Variants in NOL4L observed in about 807,000 individuals in gnomAD.
The protein encoded by NOL4L is nucleolar protein 4-like.
Under a neutral mutation model 64.5 loss-of-function variants are expected in NOL4L, and 7 were observed. The observed-to-expected ratio is 0.11, with a 90% CI of 0.06 to 0.20. The LOEUF (loss-of-function observed/expected upper bound fraction) is 0.20. Ranked by LOEUF, NOL4L falls within the 10% of genes least tolerant of loss-of-function variation. The pLI is 1.00. For missense variants in NOL4L, 680 were observed against 967.1 expected (o/e 0.70, Z 3.94); for synonymous variants, 413 against 401.0 (o/e 1.03, Z -0.36).
At chr20:32,552,021 C>CTCAAGTGA (rs1978334277) in intron 1 of NOL4L, among the ~76,000 whole-genome samples, 2 of 152,242 alleles carry the variant, frequency 1.3e-5, no homozygotes, top group South Asian at 2.1e-4. Flanking sequence ...AACTCCTGGG[C>CTCAAGTGA]TCAAGTGATC....
intron 5 of NOL4L, among the ~76,000 whole-genome samples, chr20:32,472,906 G>T (rs2015122292): frequency 6.6e-6 from 1 of 152,022 alleles, no homozygotes; most frequent in Non-Finnish European, 1.5e-5. Flanking sequence ...GGGCTCTTGG[G>T]GACCTACAGA....
chr20:32,576,875 T>C (rs2145624744), intron 1 of NOL4L, among the ~76,000 whole-genome samples: 1 of 152,234 alleles, frequency 6.6e-6, no homozygotes, highest in African/African-American at 2.4e-5. Context: ...AAAGCTTACG[T>C]GGGGTGCCCT....
At chr20:32,553,687 A>G (rs149785382) in intron 1 of NOL4L, among the ~76,000 whole-genome samples, 72 of 152,386 alleles carry the variant, frequency 4.7e-4, no homozygotes, top group Non-Finnish European at 9.3e-4. Context: ...GAACAGATCA[A>G]TGCACGTTGT....
intron 2 of NOL4L, among the ~76,000 whole-genome samples, chr20:32,524,300 G>A (rs2018049476): frequency 6.6e-6 from 1 of 151,976 alleles, no homozygotes; most frequent in African/African-American, 2.4e-5. Flanking sequence ...AGCTAAGTGA[G>A]ACAGGGACTT....
chr20:32,481,624 C>CTTAAAA (rs2015719699), intron 4 of NOL4L, among the ~76,000 whole-genome samples: 1 of 152,188 alleles, frequency 6.6e-6, no homozygotes, highest in Non-Finnish European at 1.5e-5. Flanking sequence ...GGTGGTGTCG[C>CTTAAAA]CCAGCTCAAG....
intron 5 of NOL4L, among the ~76,000 whole-genome samples, chr20:32,459,575 C>T (rs540893270): frequency 3.3e-5 from 5 of 151,958 alleles, no homozygotes; most frequent in East Asian, 1.9e-4. Context: ...AGTGGAGACA[C>T]GGTTTCACTA....
At position 32,464,650 on chromosome 20, in the gene NOL4L, T is replaced by G. The variant is rs533490308; in HGVS notation, c.842-8255A>C. 5.3e-6 allele frequency: 1 copy of G among 187,158 alleles called. No individual in the cohort carries two copies. Among genetic ancestry groups the G allele is most frequent in the Non-Finnish European group, 1.1e-5 (1 of 91,242 alleles). 11.6% of individuals were successfully genotyped at this position (187,158 alleles called of 1,614,324 possible). Reference sequence around the variant, plus strand: ...GCTGAAACTCTGGTCACTCTTTGCTTAGGCAGGTGCCAATTTAGGCCCTCA... The same window carrying G: ...GCTGAAACTCTGGTCACTCTTTGCTGAGGCAGGTGCCAATTTAGGCCCTCA... On this transcript the variant is annotated intron_variant, in intron 5 of 10. Transcript: ENST00000621426. The surrounding 1 kb of genome is among the most constrained non-coding windows in gnomAD (Gnocchi z 5.6).
intron 4 of NOL4L, 83 bp from the exon 5 acceptor site, chr20:32,474,825 C>T (rs959350884): frequency 3.9e-5 from 58 of 1,478,008 alleles, no homozygotes; most frequent in Middle Eastern, 3.7e-4. Flanking sequence ...GACCCCAGGG[C>T]CAGTGGGCGT....
At position 32,470,329 on chromosome 20, in the gene NOL4L, G is replaced by A. The variant is rs558148821; in HGVS notation, c.841+4272C>T. On this transcript the variant is annotated intron_variant, in intron 5 of 10. Coordinates refer to ENST00000621426, the MANE Select transcript of NOL4L (RefSeq NM_001256798.2). ...CGGGTCAGGAACCTGGGCCAGCCCC[G>A]GCCTGCAGGAGGCGCACTGGCTCAC... Among the ~76,000 whole-genome samples, 8 of 152,348 alleles carry A rather than the reference G, an allele frequency of 5.3e-5. No homozygotes were observed. The East Asian group carries it at 1.2e-3, about 22-fold the overall frequency.
At chr20:32,538,811 CG>C (rs2018603186) in intron 1 of NOL4L, among the ~76,000 whole-genome samples, 1 of 152,190 alleles carries the variant, frequency 6.6e-6, no homozygotes, top group Non-Finnish European at 1.5e-5. Context: ...CCCGTCTAGC[CG>C]GCTGGCATTT....
Position 32,453,431 on chromosome 20 carries a change from T to C in NOL4L, c.1370A>G (p.Lys457Arg), listed in dbSNP as rs1213275058. Residue 457 changes from lysine (K) to arginine (R), a missense_variant, in exon 8 of 11, where the codon AAG becomes AGG. Physicochemically the swap from Lys to Arg is conservative, Grantham distance 26. This residue lies in a region of NOL4L where 70 missense variants were observed against 166.1 expected (regional missense o/e 0.42). Transcript: ENST00000621426. This position sits in a 1 kb window ranked among gnomAD's most constrained non-coding sequence, Gnocchi z 5.6. ...DRMVPISKQPKEKIQAIIESC... is the reference protein window; with the variant it reads ...DRMVPISKQPREKIQAIIESC... ...CTCGATGATGGCCTGGATCTTCTCC[T>C]TGGGCTGCTTGGAGATGGGCACCAT... 2 of 1,613,974 alleles carry C rather than the reference T, an allele frequency of 1.2e-6. No homozygotes were observed. Among genetic ancestry groups the C allele is most frequent in the African/African-American group, 1.3e-5 (1 of 74,876 alleles).
Position 32,524,836 on chromosome 20 carries a change from T to C in NOL4L, c.477+2922A>G, listed in dbSNP as rs554662561. On this transcript the variant is annotated intron_variant, in intron 2 of 10. Transcript: ENST00000621426. Reference sequence around the variant, plus strand: ...ACAAAGGCATCCAGGCACCACCCCCTGCCCCCAAAAAAGGAAAAGGGTGGC... The same window carrying C: ...ACAAAGGCATCCAGGCACCACCCCCCGCCCCCAAAAAAGGAAAAGGGTGGC... Among the ~76,000 whole-genome samples the C allele has an allele frequency of 2.0e-5, 3 of 152,064 alleles. No individual in the cohort carries two copies. The East Asian group carries it at 5.8e-4, about 29-fold the overall frequency.
At chr20:32,528,462 C>G (rs958925673) in intron 1 of NOL4L, among the ~76,000 whole-genome samples, 1 of 152,144 alleles carries the variant, frequency 6.6e-6, no homozygotes, top group Non-Finnish European at 1.5e-5. Context: ...GCAACGGCAC[C>G]CGGGCCCTTT....
intron 1 of NOL4L, among the ~76,000 whole-genome samples, chr20:32,571,525 G>T (rs916404523): frequency 2.0e-5 from 3 of 152,160 alleles, no homozygotes; most frequent in Non-Finnish European, 4.4e-5. Context: ...GTTTTGGTTT[G>T]GGTTTTAAAT....
intron 4 of NOL4L, among the ~76,000 whole-genome samples, chr20:32,509,471 T>C (rs556825916): frequency 1.9e-4 from 27 of 142,412 alleles, no homozygotes; most frequent in African/African-American, 6.5e-4. Flanking sequence ...TGAGCCGAGA[T>C]TGGGCCACTG....
intron 1 of NOL4L, among the ~76,000 whole-genome samples, chr20:32,536,558 A>G (rs1600852427): frequency 7.1e-6 from 1 of 141,434 alleles, no homozygotes. Context: ...GAGGGGCGGG[A>G]AGGCGCGCGC....
intron 3 of NOL4L, among the ~76,000 whole-genome samples, chr20:32,513,069 C>T (rs1324338959): frequency 6.6e-6 from 1 of 152,188 alleles, no homozygotes; most frequent in African/African-American, 2.4e-5. Context: ...AGGCCAGATT[C>T]ATTTTGCCCC....
chr20:32,575,763 G>T (rs6141755), intron 1 of NOL4L, among the ~76,000 whole-genome samples: 39,538 of 151,840 alleles, frequency 0.26, 6,511 homozygotes, highest in East Asian at 0.75. Flanking sequence ...TGTCAGGCAG[G>T]GATAAGGGCC....
chr20:32,554,401 C>G (rs1978520130), intron 1 of NOL4L, among the ~76,000 whole-genome samples: 1 of 151,360 alleles, frequency 6.6e-6, no homozygotes, highest in South Asian at 2.1e-4. Flanking sequence ...AGGCGCTTGT[C>G]ACAGGCTGCA....
Sources: gnomAD v4.1 joint callset for allele counts (sites outside exome capture counted in the v4.1 genomes callset) on GRCh38, gnomAD v4.1.1 for gene constraint, gnomAD v4.1.1 regional missense constraint, Gnocchi (gnomAD v3.1) non-coding constraint, MANE v1.5 for transcripts, NCBI Gene and HGNC (gene_info 2026-07-23, HGNC 2026-07-21) for gene names.